COL22A1: variants seen among roughly 807,000 people sequenced by gnomAD.
COL22A1 encodes the protein collagen type XXII alpha 1 chain.
COL22A1 carries 221 observed loss-of-function variants against 248.9 expected under a neutral mutation model. The ratio of observed to expected loss-of-function variants is 0.89; its 90% CI spans 0.80 to 0.99. COL22A1 has a LOEUF of 0.99. COL22A1 is among the 50% of genes least tolerant of loss of function. The pLI is 0.00. For synonymous variants in COL22A1, 891 were observed against 793.4 expected (o/e 1.12, Z -2.07); for missense variants, 2,240 against 2,179.0 (o/e 1.03, Z -0.56).
intron 3 of COL22A1, among the ~76,000 whole-genome samples, chr8:138,857,427 G>A (rs973442177): frequency 2.0e-5 from 3 of 152,272 alleles, no homozygotes; most frequent in Admixed American, 1.3e-4. Context: ...GGACATTCAC[G>A]GCTGACCTGG....
chr8:138,849,225 T>TA (rs1821457157), intron 3 of COL22A1, among the ~76,000 whole-genome samples: 1 of 152,204 alleles, frequency 6.6e-6, no homozygotes, highest in Non-Finnish European at 1.5e-5. Flanking sequence ...GCACTGGGAA[T>TA]GCCATGTGGA....
Position 138,724,709 on chromosome 8 carries a change from C to T in COL22A1, c.2194-41G>A, listed in dbSNP as rs766055761. 5 of 1,588,654 alleles carry T rather than the reference C, an allele frequency of 3.1e-6. No homozygotes were observed. In the Admixed American group the frequency reaches 8.3e-5, roughly 26 times the overall value. On this transcript the variant is annotated intron_variant, in intron 24 of 64. Transcript: ENST00000303045. ...ATGGACCCTGTTAGCCTGGCCTGTT[C>T]AGAGATCAGATCATTGACTCAACCT...
At chr8:138,730,917 G>A (rs988780249) in intron 23 of COL22A1, among the ~76,000 whole-genome samples, 7 of 152,106 alleles carry the variant, frequency 4.6e-5, no homozygotes, top group African/African-American at 1.2e-4. Flanking sequence ...ACACACACCC[G>A]GGGCAAGAAA....
intron 3 of COL22A1, among the ~76,000 whole-genome samples, chr8:138,873,414 A>G (rs191573534): frequency 2.8e-4 from 42 of 152,296 alleles, no homozygotes; most frequent in Middle Eastern, 3.4e-3. Flanking sequence ...AACAGCAAGC[A>G]CAGAATTAAC....
At chr8:138,838,452 C>T (rs1820603681) in intron 4 of COL22A1, among the ~76,000 whole-genome samples, 1 of 152,152 alleles carries the variant, frequency 6.6e-6, no homozygotes, top group African/African-American at 2.4e-5. Context: ...CTCTACTTCA[C>T]AGCACCATCA....
chr8:138,755,694 GA>G, intron 19 of COL22A1, 90 bp downstream of exon 19: 2 of 1,424,470 alleles, frequency 1.4e-6, no homozygotes, highest in East Asian at 4.6e-5. Flanking sequence ...GTCCTTGGAA[GA>G]GCGTTGCCTT....
chr8:138,758,477 G>C (rs1025130024), intron 18 of COL22A1, among the ~76,000 whole-genome samples: 9 of 152,310 alleles, frequency 5.9e-5, no homozygotes, highest in South Asian at 2.1e-4. Context: ...TGCATCACCT[G>C]ATATTTAGAT....
Position 138,798,992 on chromosome 8 carries a change from C to G in COL22A1, c.1558-2135G>C, listed in dbSNP as rs561392955. 5.9e-5 allele frequency among the ~76,000 whole-genome samples: 9 copies of G among 152,184 alleles called. No homozygotes were observed. The South Asian group carries it at 1.2e-3, about 21-fold the overall frequency. ...GTGCAGATTCATGCACTTTATGAAC[C>G]CCTACATTTCTCCAATAATCTGTCT... On this transcript the variant is annotated intron_variant, in intron 11 of 64. Coordinates refer to ENST00000303045, the MANE Select transcript of COL22A1 (RefSeq NM_152888.3).
intron 1 of COL22A1, among the ~76,000 whole-genome samples, chr8:138,902,774 ACACACACACACT>A (rs1251407425): frequency 1.3e-5 from 2 of 151,000 alleles, no homozygotes; most frequent in African/African-American, 4.9e-5. Flanking sequence ...ACACACACAC[ACACACACACACT>A]AGAACTGACT....
chr8:138,658,938 C>A (rs1823543893), intron 44 of COL22A1, among the ~76,000 whole-genome samples: 1 of 151,876 alleles, frequency 6.6e-6, no homozygotes, highest in South Asian at 2.1e-4. Flanking sequence ...CTGCTGCTGA[C>A]CGCCTGAGAG....
At chr8:138,792,924 C>A (rs932044116) in intron 12 of COL22A1, among the ~76,000 whole-genome samples, 9 of 152,186 alleles carry the variant, frequency 5.9e-5, no homozygotes, top group African/African-American at 2.2e-4. Context: ...TGACCTTGTG[C>A]AGGTCACTTG....
rs1028821873 is a variant in COL22A1, at chr8:138,804,557, G to A, written c.1495-1623C>T. Among the ~76,000 whole-genome samples, 5 of 152,168 alleles carry A rather than the reference G, an allele frequency of 3.3e-5. No individual in the cohort carries two copies. In the East Asian group the frequency reaches 5.8e-4, roughly 18 times the overall value. On this transcript the variant is annotated intron_variant, in intron 10 of 64. Transcript: ENST00000303045. The stretch of plus-strand genomic sequence containing the variant: ...TTTCCTCCCGTCACAGCCGAGAATC[G>A]AGGTGACTTCTCAGAGGAGCTCGGT...
intron 2 of COL22A1, among the ~76,000 whole-genome samples, chr8:138,881,582 G>C (rs936901834): frequency 1.3e-5 from 2 of 152,246 alleles, no homozygotes; most frequent in African/African-American, 4.8e-5. Flanking sequence ...CTATGCAGGA[G>C]GCTGAGGCAG....
At chr8:138,770,374 C>T (rs1035905652) in intron 16 of COL22A1, among the ~76,000 whole-genome samples, 34 of 152,250 alleles carry the variant, frequency 2.2e-4, no homozygotes, top group Non-Finnish European at 4.3e-4. Context: ...CACTCGGGCT[C>T]CGCCACCTGG....
intron 41 of COL22A1, among the ~76,000 whole-genome samples, chr8:138,665,649 T>C (rs1293632659): frequency 6.6e-6 from 1 of 152,170 alleles, no homozygotes; most frequent in African/African-American, 2.4e-5. Flanking sequence ...CACAGATAGA[T>C]TCCCAAAGGA....
intron 2 of COL22A1, among the ~76,000 whole-genome samples, chr8:138,878,699 G>T (rs1315721447): frequency 6.6e-6 from 1 of 152,188 alleles, no homozygotes; most frequent in Admixed American, 6.5e-5. Context: ...GTCAGAAAAT[G>T]CAATCAAAAG....
At chr8:138,889,576 G>T in intron 1 of COL22A1, among the ~76,000 whole-genome samples, 1 of 152,082 alleles carries the variant, frequency 6.6e-6, no homozygotes, top group East Asian at 1.9e-4. Context: ...GGTGGGGGGA[G>T]TGGGGAGGGA....
intron 3 of COL22A1, among the ~76,000 whole-genome samples, chr8:138,869,872 C>A (rs1823185876): frequency 6.6e-6 from 1 of 152,052 alleles, no homozygotes; most frequent in Non-Finnish European, 1.5e-5. Context: ...TCGGGTCCAC[C>A]CAGAGGGAAC....
chr8:138,614,993 C>T (rs1370013743), intron 55 of COL22A1, among the ~76,000 whole-genome samples: 2 of 152,144 alleles, frequency 1.3e-5, no homozygotes, highest in Non-Finnish European at 1.5e-5. Flanking sequence ...CAACTTTGTA[C>T]CTCAGTACCT....
Sources: allele counts gnomAD v4.1 joint callset (sites outside exome capture counted in the v4.1 genomes callset), GRCh38; gene constraint gnomAD v4.1.1; transcripts MANE v1.5; gene names NCBI Gene and HGNC (gene_info 2026-07-23, HGNC 2026-07-21).